Variants in SENP7 observed in about 807,000 individuals in gnomAD.
SENP7 encodes the protein SUMO specific peptidase 7, also known as sentrin-specific protease 7.
Under a neutral mutation model 141.2 loss-of-function variants are expected in SENP7, and 64 were observed. The ratio of observed to expected loss-of-function variants is 0.45; its 90% confidence interval spans 0.37 to 0.56. The LOEUF (loss-of-function observed/expected upper bound fraction) is 0.56. Ranked by LOEUF, SENP7 falls within the 20% of genes least tolerant of loss-of-function variation. The pLI, the probability that SENP7 is intolerant of heterozygous loss-of-function variation, is 0.00. For synonymous variants in SENP7, 382 were observed against 426.4 expected (o/e 0.90, Z 1.28); for missense variants, 1,025 against 1,212.2 (o/e 0.85, Z 2.29).
At chr3:101,444,364 C>T (rs1021971072) in intron 4 of SENP7, among the ~76,000 whole-genome samples, 5 of 151,766 alleles carry the variant, frequency 3.3e-5, no homozygotes, top group Admixed American at 2.0e-4. Context: ...ACTAGAAATA[C>T]CATTTGACCC....
rs190334621 is a variant in SENP7, at chr3:101,395,700, G to C, written c.677+3161C>G. ...AAAGAACTAAAGCTTGGTTTAAGGAGTTCAGTATTTGCTAAATTAAATGGG... is the reference window on the plus strand; with the variant it reads ...AAAGAACTAAAGCTTGGTTTAAGGACTTCAGTATTTGCTAAATTAAATGGG... On this transcript the variant is annotated intron_variant, in intron 6 of 23. Coordinates refer to ENST00000394095, the MANE Select transcript of SENP7 (RefSeq NM_020654.5). 7.2e-5 allele frequency among the ~76,000 whole-genome samples: 11 copies of C among 152,268 alleles called. No homozygotes were observed. In the East Asian group the frequency reaches 2.1e-3, roughly 29 times the overall value.
At chr3:101,428,262 G>A (rs2062031930) in intron 4 of SENP7, among the ~76,000 whole-genome samples, 1 of 152,130 alleles carries the variant, frequency 6.6e-6, no homozygotes, top group Admixed American at 6.5e-5. Context: ...CATCCTTGAG[G>A]AGTCACCACA....
intron 4 of SENP7, among the ~76,000 whole-genome samples, chr3:101,431,464 T>C (rs1300497526): frequency 1.3e-5 from 2 of 151,670 alleles, no homozygotes; most frequent in African/African-American, 4.9e-5. Flanking sequence ...TGATCTTGGT[T>C]GGTTTAAAGT....
chr3:101,371,829 AATGAGT>A (rs2060188911), intron 7 of SENP7, among the ~76,000 whole-genome samples, 173 bp downstream of exon 7: 1 of 152,156 alleles, frequency 6.6e-6, no homozygotes, highest in Non-Finnish European at 1.5e-5. Context: ...TAAATCTAGA[AATGAGT>A]ACTACGCTAC....
chr3:101,331,755 A>G (rs181830600), intron 19 of SENP7, among the ~76,000 whole-genome samples: 1 of 152,240 alleles, frequency 6.6e-6, no homozygotes, highest in Admixed American at 6.5e-5. Flanking sequence ...GAAATATTTC[A>G]TAAGATCAAT....
At chr3:101,392,817 C>T (rs969278587) in intron 6 of SENP7, among the ~76,000 whole-genome samples, 3 of 152,140 alleles carry the variant, frequency 2.0e-5, no homozygotes, top group African/African-American at 7.2e-5. Flanking sequence ...ACCAAAACAG[C>T]ATGACATTGG....
At chr3:101,354,294 T>C (rs1427842395) in intron 11 of SENP7, among the ~76,000 whole-genome samples, 2 of 152,124 alleles carry the variant, frequency 1.3e-5, no homozygotes, top group African/African-American at 2.4e-5. Context: ...CAGGGGTACA[T>C]GTACAGGTCT....
In SENP7 at chr3:101,398,172, G is replaced by A. The variant is rs569850969; in HGVS notation, c.677+689C>T. On this transcript the variant is annotated intron_variant, in intron 6 of 23. Coordinates refer to ENST00000394095, the MANE Select transcript of SENP7 (RefSeq NM_020654.5). ...TCTAGAGTCTGAATATAAAAATAAC[G>A]GACAAGGCCGGGGGCAGTGGCTCAC... Among the ~76,000 whole-genome samples the A allele has an allele frequency of 8.5e-5, 13 of 152,182 alleles. No individual in the cohort carries two copies. The South Asian group carries it at 1.7e-3, about 19-fold the overall frequency.
intron 6 of SENP7, among the ~76,000 whole-genome samples, chr3:101,374,696 A>T (rs2060271427): frequency 6.6e-6 from 1 of 151,042 alleles, no homozygotes; most frequent in Non-Finnish European, 1.5e-5. Flanking sequence ...GAATCACTTG[A>T]TCCCAGGAGT....
At chr3:101,499,399 C>G (rs1266642908) in intron 2 of SENP7, among the ~76,000 whole-genome samples, 1 of 152,100 alleles carries the variant, frequency 6.6e-6, no homozygotes, top group East Asian at 1.9e-4. Flanking sequence ...GACAGAGTCT[C>G]GCTCTGTCAC....
intron 4 of SENP7, among the ~76,000 whole-genome samples, chr3:101,444,902 A>T (rs2062831470): frequency 6.6e-6 from 1 of 151,184 alleles, no homozygotes; most frequent in South Asian, 2.1e-4. Flanking sequence ...TAATAATAAT[A>T]AATGAATAAA....
chr3:101,506,656 GATAA>G (rs758783184), intron 1 of SENP7, among the ~76,000 whole-genome samples: 75 of 152,184 alleles, frequency 4.9e-4, no homozygotes, highest in Non-Finnish European at 1.0e-3. Context: ...GATGGAATCT[GATAA>G]TTATCATATA....
At chr3:101,393,977 T>A (rs570686956) in intron 6 of SENP7, among the ~76,000 whole-genome samples, 1 of 152,312 alleles carries the variant, frequency 6.6e-6, no homozygotes, top group South Asian at 2.1e-4. Context: ...AACATTTCAA[T>A]TCCTCTCTTC....
chr3:101,442,963 T>C (rs1264827771), intron 4 of SENP7, among the ~76,000 whole-genome samples: 1 of 152,208 alleles, frequency 6.6e-6, no homozygotes, highest in Admixed American at 6.5e-5. Context: ...GAAAACCTAT[T>C]TAACAAAATA....
chr3:101,454,622 C>A (rs141023632), intron 4 of SENP7, among the ~76,000 whole-genome samples: 51 of 152,116 alleles, frequency 3.4e-4, no homozygotes, highest in African/African-American at 1.2e-3. Flanking sequence ...GAAGTGGAAA[C>A]AACATAAAAA....
At chr3:101,394,419 A>T in intron 6 of SENP7, among the ~76,000 whole-genome samples, 1 of 152,182 alleles carries the variant, frequency 6.6e-6, no homozygotes, top group East Asian at 1.9e-4. Flanking sequence ...AGGTGCATGT[A>T]TCTCTTTGGT....
chr3:101,486,376 A>AT (rs1387011863), intron 3 of SENP7, among the ~76,000 whole-genome samples: 1 of 152,236 alleles, frequency 6.6e-6, no homozygotes, highest in African/African-American at 2.4e-5. Context: ...CAGCTAACCT[A>AT]TAAGGAAAAC....
chr3:101,413,739 G>T (rs1376835227), intron 5 of SENP7, among the ~76,000 whole-genome samples: 2 of 151,406 alleles, frequency 1.3e-5, no homozygotes, highest in Admixed American at 6.6e-5. Context: ...AAAAGGGAGG[G>T]GGGGGATAGT....
rs966674037 is a variant in SENP7, at chr3:101,468,879, G to A, written c.187-9827C>T. On this transcript the variant is annotated intron_variant, in intron 3 of 23. Coordinates refer to ENST00000394095, the MANE Select transcript of SENP7 (RefSeq NM_020654.5). ...ACAATATTAACCTTAAATGTAAATG[G>A]GCTAAATACCCCAATTAAAAGACAC... Among the ~76,000 whole-genome samples, 5 of 152,084 alleles carry A rather than the reference G, an allele frequency of 3.3e-5. 1 individual carries two copies. The South Asian group carries it at 8.3e-4, about 25-fold the overall frequency.
Sources: allele counts gnomAD v4.1 joint callset (sites outside exome capture counted in the v4.1 genomes callset), GRCh38; gene constraint gnomAD v4.1.1; transcripts MANE v1.5; gene names NCBI Gene and HGNC (gene_info 2026-07-23, HGNC 2026-07-21).